The following STXBP5L variants were observed in gnomAD, a reference collection of about 807,000 sequenced individuals.
STXBP5L encodes the protein syntaxin binding protein 5L.
In STXBP5L, 65 loss-of-function variants were observed where a neutral mutation model predicts 144.5. The observed-to-expected ratio is 0.45, with a 90% CI of 0.37 to 0.55. The LOEUF is 0.55. Among genes scored for constraint, STXBP5L ranks in the 20% least tolerant of loss-of-function variants. STXBP5L has a pLI of 0.00. For synonymous variants in STXBP5L, 505 were observed against 469.6 expected (o/e 1.08, Z -0.97); for missense variants, 1,298 against 1,405.5 (o/e 0.92, Z 1.22).
At chr3:121,046,634 A>G (rs1947534137) in intron 5 of STXBP5L, among the ~76,000 whole-genome samples, 3 of 152,052 alleles carry the variant, frequency 2.0e-5, no homozygotes, top group African/African-American at 4.8e-5. Flanking sequence ...TAGGTTTTCT[A>G]GTCTATGTGC....
At chr3:120,997,524 C>A (rs1943445222) in intron 3 of STXBP5L, among the ~76,000 whole-genome samples, 1 of 152,092 alleles carries the variant, frequency 6.6e-6, no homozygotes, top group African/African-American at 2.4e-5. Context: ...ATGTGCATTT[C>A]TCTAATGATT....
chr3:121,404,657 T>G (rs528569345), intron 22 of STXBP5L, among the ~76,000 whole-genome samples: 35 of 152,152 alleles, frequency 2.3e-4, no homozygotes, highest in Admixed American at 2.6e-4. Context: ...GAGATTTTAT[T>G]CTACTTGTAA....
chr3:121,160,556 C>A (rs1004585753), intron 9 of STXBP5L, among the ~76,000 whole-genome samples: 3 of 152,050 alleles, frequency 2.0e-5, no homozygotes, highest in African/African-American at 7.2e-5. Flanking sequence ...AAATATTATG[C>A]CATTTTATAT....
chr3:120,964,178 T>C (rs547023099), intron 3 of STXBP5L, among the ~76,000 whole-genome samples: 2 of 152,360 alleles, frequency 1.3e-5, no homozygotes, highest in East Asian at 3.9e-4. Flanking sequence ...TCTTTATTAG[T>C]CTTGCTAGTG....
At chr3:121,167,497 C>T (rs563837266) in intron 9 of STXBP5L, among the ~76,000 whole-genome samples, 3 of 152,220 alleles carry the variant, frequency 2.0e-5, no homozygotes, top group African/African-American at 7.2e-5. Context: ...AGGGAAGTGG[C>T]GTCTGCAATT....
intron 3 of STXBP5L, among the ~76,000 whole-genome samples, chr3:120,992,961 C>T (rs1943047809): frequency 1.3e-5 from 2 of 152,056 alleles, no homozygotes; most frequent in African/African-American, 2.4e-5. Context: ...TTGCCAGTAT[C>T]TGCTATTTTT....
At position 121,318,522 on chromosome 3, in the gene STXBP5L, TG is replaced by T; in HGVS notation, c.2159del (p.Cys720SerfsTer9). The T allele has an allele frequency of 6.4e-7, 1 of 1,562,534 alleles. No individual in the cohort carries two copies. The highest frequency in any genetic ancestry group is 1.8e-5 in the Admixed American group (1 of 54,308). On this transcript the variant is annotated frameshift_variant, in exon 20 of 27. Coordinates refer to ENST00000471454, the MANE Select transcript of STXBP5L (RefSeq NM_001308330.2). LOFTEE classifies it high-confidence loss of function. ...TCCAGTTCCCCTAGAACTTGAGCGC[TG>T]CAAGTCTCCTACCTCAGGTAAACAT... ...DSPVPLELERCKSPTSDHVNG... is the reference protein window; with the variant it reads ...DSPVPLELERXKSPTSDHVNG...
intron 5 of STXBP5L, among the ~76,000 whole-genome samples, chr3:121,100,176 G>A (rs1168816388): frequency 6.6e-6 from 1 of 152,126 alleles, no homozygotes; most frequent in Non-Finnish European, 1.5e-5. Context: ...CATTGGCAGC[G>A]TTAGACAGAT....
chr3:121,250,959 A>G (rs2050008579), intron 15 of STXBP5L, among the ~76,000 whole-genome samples, 196 bp downstream of exon 15: 1 of 152,186 alleles, frequency 6.6e-6, no homozygotes, highest in Non-Finnish European at 1.5e-5. Context: ...CTTCTATAAT[A>G]TAAGGTAAAC....
chr3:121,079,983 G>A (rs2042183197), intron 5 of STXBP5L, among the ~76,000 whole-genome samples: 1 of 152,116 alleles, frequency 6.6e-6, no homozygotes, highest in Non-Finnish European at 1.5e-5. Context: ...AGTACTAATT[G>A]TTTAATATAT....
chr3:121,223,821 T>A (rs1335970332), intron 11 of STXBP5L, among the ~76,000 whole-genome samples: 2 of 151,946 alleles, frequency 1.3e-5, no homozygotes, highest in Non-Finnish European at 2.9e-5. Flanking sequence ...TGTGGCCAGG[T>A]GTGGTGACTC....
intron 5 of STXBP5L, chr3:121,049,808 T>A (rs1407215821): frequency 1.3e-5 from 2 of 153,780 alleles, no homozygotes; most frequent in Non-Finnish European, 2.9e-5. Flanking sequence ...CTGCTGGTGT[T>A]GAGGTGCCTG....
intron 10 of STXBP5L, among the ~76,000 whole-genome samples, chr3:121,213,834 A>G (rs1036986386): frequency 6.6e-6 from 1 of 152,126 alleles, no homozygotes; most frequent in Non-Finnish European, 1.5e-5. Flanking sequence ...CTGTAAATCC[A>G]TGTGGTCCTG....
At chr3:120,912,544 A>C (rs1051074713) in intron 2 of STXBP5L, among the ~76,000 whole-genome samples, 2 of 151,862 alleles carry the variant, frequency 1.3e-5, no homozygotes, top group African/African-American at 4.8e-5. Context: ...ATAAAGCTGT[A>C]CCCTTCATAA....
At chr3:121,290,175 A>T (rs1577375487) in intron 19 of STXBP5L, among the ~76,000 whole-genome samples, 1 of 152,174 alleles carries the variant, frequency 6.6e-6, no homozygotes, top group South Asian at 2.1e-4. Context: ...CCAAGAAAAG[A>T]AGAGAGAAGA....
At chr3:121,406,075 T>A (rs958170982) in intron 22 of STXBP5L, among the ~76,000 whole-genome samples, 22 of 152,084 alleles carry the variant, frequency 1.4e-4, no homozygotes, top group African/African-American at 5.3e-4. Context: ...AATTAAATCA[T>A]TCTTCAGAGC....
chr3:120,980,510 A>G (rs115385580), intron 3 of STXBP5L, among the ~76,000 whole-genome samples: 2 of 151,316 alleles, frequency 1.3e-5, no homozygotes, highest in Non-Finnish European at 1.5e-5. Flanking sequence ...TATCTGGTGT[A>G]AGTATAGCTA....
chr3:121,283,300 T>A (rs1379444024), intron 19 of STXBP5L, among the ~76,000 whole-genome samples: 1 of 152,014 alleles, frequency 6.6e-6, no homozygotes, highest in African/African-American at 2.4e-5. Flanking sequence ...TGCCCTTAGC[T>A]TACAAAAGTC....
chr3:121,033,586 A>AC (rs1553779157), intron 3 of STXBP5L, among the ~76,000 whole-genome samples: 1 of 149,428 alleles, frequency 6.7e-6, no homozygotes, highest in Non-Finnish European at 1.5e-5. Context: ...AAAAAAAAAA[A>AC]CATTAAAAAA....
Sources: allele counts gnomAD v4.1 joint callset (sites outside exome capture counted in the v4.1 genomes callset), GRCh38; gene constraint gnomAD v4.1.1; transcripts MANE v1.5; gene names NCBI Gene and HGNC (gene_info 2026-07-23, HGNC 2026-07-21).